Variants in NHSL3 observed in about 807,000 individuals in gnomAD.
The protein encoded by NHSL3 is NHS-like protein 3.
the NHSL3 span, among the ~76,000 whole-genome samples, chr1:32,747,599 A>T: frequency 9.2e-5 from 14 of 152,294 alleles, no homozygotes; most frequent in East Asian, 2.5e-3. Flanking sequence ...AGCTGTGTCC[A>T]GGAAAGGAGA....
At chr1:32,749,270 C>A in the NHSL3 span, among the ~76,000 whole-genome samples, 12 of 152,154 alleles carry the variant, frequency 7.9e-5, no homozygotes, top group African/African-American at 2.9e-4. Context: ...AGCTGGCTAT[C>A]TGGGGTTCCG....
chr1:32,768,024 A>T, the NHSL3 span: 238 of 1,613,282 alleles, frequency 1.5e-4, 1 homozygote, highest in African/African-American at 2.8e-3. Flanking sequence ...TGTCAAGGTC[A>T]GGGGCCTAAC....
the NHSL3 span, among the ~76,000 whole-genome samples, chr1:32,750,489 G>A: frequency 3.9e-4 from 59 of 152,216 alleles, no homozygotes; most frequent in East Asian, 6.8e-3. Context: ...GTCTAGCCAA[G>A]TGAGGTCTTC....
the NHSL3 span, among the ~76,000 whole-genome samples, chr1:32,754,929 C>G: frequency 7.9e-5 from 12 of 152,060 alleles, no homozygotes; most frequent in South Asian, 2.1e-4. Flanking sequence ...CGCCTCCCCC[C>G]CTCCCCCGTC....
At chr1:32,758,145 TG>T in the NHSL3 span, among the ~76,000 whole-genome samples, 1 of 152,194 alleles carries the variant, frequency 6.6e-6, no homozygotes, top group Non-Finnish European at 1.5e-5. Context: ...CGGGATTGTT[TG>T]GTCTTGGCAC....
At chr1:32,774,027 G>T in the NHSL3 span, 21 of 152,832 alleles carry the variant, frequency 1.4e-4, no homozygotes, top group African/African-American at 4.8e-4. Context: ...AGGGCAGGCT[G>T]GGTGGTGGTC....
At chr1:32,741,895 C>T in the NHSL3 span, 1 of 202,012 alleles carries the variant, frequency 5.0e-6, no homozygotes, top group Non-Finnish European at 8.7e-6. The surrounding 1 kb of genome is among the most constrained non-coding windows in gnomAD (Gnocchi z 4.3). Context: ...GCGGCCGCCC[C>T]CGGCATGGGC....
At chr1:32,759,582 C>T in the NHSL3 span, among the ~76,000 whole-genome samples, 1 of 152,206 alleles carries the variant, frequency 6.6e-6, no homozygotes, top group Non-Finnish European at 1.5e-5. Flanking sequence ...GCACTCCCTG[C>T]CCCCCATTAT....
the NHSL3 span, chr1:32,767,930 G>A: frequency 6.2e-7 from 1 of 1,613,950 alleles, no homozygotes; most frequent in Non-Finnish European, 8.5e-7. Context: ...TCAGGCCCAG[G>A]AGGGGCTCCG....
the NHSL3 span, chr1:32,774,813 T>TA: frequency 6.5e-6 from 1 of 152,682 alleles, no homozygotes; most frequent in East Asian, 1.9e-4. Context: ...TTAATTTCCA[T>TA]AAAATGTTAG....
At chr1:32,771,668 C>G in the NHSL3 span, 304 of 1,610,694 alleles carry the variant, frequency 1.9e-4, no homozygotes, top group Middle Eastern at 2.2e-3. Context: ...ATTCAGCCCC[C>G]GGGTAGCCCA....
the NHSL3 span, chr1:32,771,709 C>T: frequency 6.2e-7 from 1 of 1,612,936 alleles, no homozygotes; most frequent in Non-Finnish European, 8.5e-7. Context: ...AGCCCCAGCT[C>T]CTGCTAGTTC....
chr1:32,764,361 G>A, the NHSL3 span, among the ~76,000 whole-genome samples: 19,783 of 152,206 alleles, frequency 0.13, 1,412 homozygotes, highest in Middle Eastern at 0.27. Flanking sequence ...TAGCCTCTGG[G>A]GATAAACTGG....
chr1:32,760,374 C>G, the NHSL3 span, among the ~76,000 whole-genome samples: 1 of 152,196 alleles, frequency 6.6e-6, no homozygotes, highest in Non-Finnish European at 1.5e-5. Context: ...CAAGACAGTG[C>G]GTGCGCATGC....
chr1:32,753,987 G>A, the NHSL3 span: 1 of 392,666 alleles, frequency 2.5e-6, no homozygotes, highest in South Asian at 7.4e-5. Flanking sequence ...GGCGCCCGCG[G>A]TGCCCGCCCG....
the NHSL3 span, chr1:32,768,942 A>G: frequency 1.2e-6 from 1 of 865,318 alleles, no homozygotes; most frequent in Non-Finnish European, 1.7e-6. Flanking sequence ...CTAACTATAA[A>G]GCAGTTAAGA....
chr1:32,772,511 T>C, the NHSL3 span: 2 of 1,493,974 alleles, frequency 1.3e-6, no homozygotes. Flanking sequence ...AGTCCCGCCA[T>C]GGGGGATTTG....
the NHSL3 span, among the ~76,000 whole-genome samples, chr1:32,752,936 CACACACACACACACATATAT>C: frequency 0.051 from 466 of 9,184 alleles, 19 homozygotes; most frequent in African/African-American, 0.097. Flanking sequence ...CACACACACA[CACACACACACACACATATAT>C]ATATATATAT....
the NHSL3 span, among the ~76,000 whole-genome samples, chr1:32,755,420 C>A: frequency 1.3e-5 from 2 of 152,116 alleles, no homozygotes; most frequent in Admixed American, 6.5e-5. Flanking sequence ...ATGATCTCAT[C>A]GCTCCATGGA....
Sources: gnomAD v4.1 joint callset for allele counts (sites outside exome capture counted in the v4.1 genomes callset) on GRCh38, gnomAD v4.1.1 for gene constraint, Gnocchi (gnomAD v3.1) non-coding constraint, MANE v1.5 for transcripts, NCBI Gene and HGNC (gene_info 2026-07-23, HGNC 2026-07-21) for gene names.